SMAD7: variants seen among roughly 807,000 people sequenced by gnomAD.
SMAD7 encodes MAD (mothers against decapentaplegic, Drosophila) homolog 7.
In SMAD7, 8 loss-of-function variants were observed where a neutral mutation model predicts 38.7. That is an observed-to-expected ratio of 0.21 (90% CI 0.12 to 0.37). The LOEUF (loss-of-function observed/expected upper bound fraction) is 0.37, where lower values mean the gene tolerates loss of function less well. Ranked by LOEUF, SMAD7 falls within the 10% of genes least tolerant of loss-of-function variation. The pLI is 1.00. For synonymous variants in SMAD7, 327 were observed against 265.1 expected (o/e 1.23, Z -2.27); for missense variants, 477 against 577.9 (o/e 0.83, Z 1.79).
chr18:48,929,434 C>CT (rs2069965802), intron 3 of SMAD7, among the ~76,000 whole-genome samples: 1 of 152,104 alleles, frequency 6.6e-6, no homozygotes, highest in East Asian at 1.9e-4. Context: ...ACCTACCCAC[C>CT]TGCCACCCTG....
At chr18:48,936,938 G>A (rs953888228) in intron 3 of SMAD7, among the ~76,000 whole-genome samples, 27 of 151,998 alleles carry the variant, frequency 1.8e-4, no homozygotes, top group Admixed American at 5.9e-4. Flanking sequence ...CAAATTAGCC[G>A]GGCGTGGTGG....
intron 2 of SMAD7, among the ~76,000 whole-genome samples, chr18:48,947,469 G>A (rs545645613): frequency 6.6e-6 from 1 of 152,244 alleles, no homozygotes; most frequent in Non-Finnish European, 1.5e-5. Flanking sequence ...CAGAACCTTG[G>A]CAAAATAAAA....
chr18:48,921,343 A>G lies in SMAD7; in HGVS notation c.*29T>C, dbSNP rs752657520. 6.3e-7 allele frequency: 1 copy of G among 1,577,182 alleles called. No homozygotes were observed. The highest frequency in any genetic ancestry group is 8.7e-7 in the Non-Finnish European group (1 of 1,155,272). ...AAGTAGTTTGAAGTGTGGCCTGCTCAGCTCACGCTCTGTCCCCTCCGCACG... is the reference window on the plus strand; with the variant it reads ...AAGTAGTTTGAAGTGTGGCCTGCTCGGCTCACGCTCTGTCCCCTCCGCACG... On this transcript the variant is annotated 3_prime_UTR_variant, in exon 4 of 4. Coordinates refer to ENST00000262158, the MANE Select transcript of SMAD7 (RefSeq NM_005904.4). The surrounding 1 kb of genome is among the most constrained non-coding windows in gnomAD (Gnocchi z 6.4).
At chr18:48,938,812 G>A (rs1346966022) in intron 3 of SMAD7, among the ~76,000 whole-genome samples, 2 of 152,158 alleles carry the variant, frequency 1.3e-5, no homozygotes, top group Non-Finnish European at 2.9e-5. Flanking sequence ...ACGGAGCTGA[G>A]CCTAGAGGCT....
chr18:48,920,092 TAATA>T lies in SMAD7; in HGVS notation c.*1276_*1279del, dbSNP rs1487098733. 1 of 152,404 alleles carries T rather than the reference TAATA, an allele frequency of 6.6e-6. No homozygotes were observed. The highest frequency in any genetic ancestry group is 1.5e-5 in the Non-Finnish European group (1 of 67,996). The allele number at this position is 152,404 out of a possible 1,614,324, so 9.4% of individuals were successfully genotyped here. A position where few individuals can be genotyped will look rare whatever the true frequency, so the allele number is the denominator to read the frequency against. ...AAAACGTCTTTATATTTACAAGTAA[TAATA>T]TATTTATATATAACATAAAATACAT... On this transcript the variant is annotated 3_prime_UTR_variant, in exon 4 of 4. Coordinates refer to ENST00000262158, the MANE Select transcript of SMAD7 (RefSeq NM_005904.4).
intron 3 of SMAD7, among the ~76,000 whole-genome samples, chr18:48,936,365 C>T (rs2070066044): frequency 6.6e-6 from 1 of 152,186 alleles, no homozygotes; most frequent in Admixed American, 6.5e-5. Flanking sequence ...GTAAAATACA[C>T]ATAACTTAAA....
At chr18:48,939,073 C>A (rs1344181424) in intron 3 of SMAD7, among the ~76,000 whole-genome samples, 1 of 152,152 alleles carries the variant, frequency 6.6e-6, no homozygotes, top group South Asian at 2.1e-4. Context: ...TATCCCAGAG[C>A]CTGCCTGTGG....
chr18:48,920,460 AACAC>A lies in SMAD7; in HGVS notation c.*908_*911del, dbSNP rs2069842770. On this transcript the variant is annotated 3_prime_UTR_variant, in exon 4 of 4. Coordinates refer to ENST00000262158, the MANE Select transcript of SMAD7 (RefSeq NM_005904.4). ...GCTTGCTGGCCTAATAGCAGAGCTT[AACAC>A]ACAGGATGGGAGCAGGCAGTGCTGA... 6.6e-6 allele frequency: 1 copy of A among 152,386 alleles called. No homozygotes were observed. The highest frequency in any genetic ancestry group is 2.4e-5 in the African/African-American group (1 of 41,444). The allele number at this position is 152,386 out of a possible 1,614,324, so 9.4% of individuals were successfully genotyped here.
At chr18:48,942,655 A>C (rs756174882) in intron 2 of SMAD7, 100 bp from the exon 3 acceptor site, 2 of 1,595,268 alleles carry the variant, frequency 1.3e-6, no homozygotes, top group Non-Finnish European at 1.7e-6. Context: ...GACAAACCAC[A>C]CATTCCAAAA....
chr18:48,921,974 C>T lies in SMAD7; in HGVS notation c.743-64G>A. On this transcript the variant is annotated intron_variant, in intron 3 of 3. Coordinates refer to ENST00000262158, the MANE Select transcript of SMAD7 (RefSeq NM_005904.4). This position sits in a 1 kb window ranked among gnomAD's most constrained non-coding sequence, Gnocchi z 6.4. ...GCATTGGTGACTCCTAGAATGAAGA[C>T]ACCCGCCCCCCCACTGCACCCAGTC... 2.3e-6 allele frequency: 3 copies of T among 1,289,620 alleles called. No homozygotes were observed. The highest frequency in any genetic ancestry group is 4.5e-5 in the Admixed American group (2 of 44,456). 79.9% of individuals were successfully genotyped at this position (1,289,620 alleles called of 1,614,324 possible).
intron 3 of SMAD7, chr18:48,933,604 C>G (rs1281905789): frequency 6.6e-6 from 1 of 152,648 alleles, no homozygotes; most frequent in Non-Finnish European, 1.5e-5. Context: ...GAGAGGGGAG[C>G]ACACCTTCCA....
At chr18:48,941,568 C>T (rs1442785551) in intron 3 of SMAD7, among the ~76,000 whole-genome samples, 1 of 152,200 alleles carries the variant, frequency 6.6e-6, no homozygotes, top group Non-Finnish European at 1.5e-5. Context: ...CCACGTGATC[C>T]TACAGGCAAG....
chr18:48,924,747 C>T (rs770672472), intron 3 of SMAD7, among the ~76,000 whole-genome samples: 9 of 152,144 alleles, frequency 5.9e-5, no homozygotes, highest in Non-Finnish European at 1.3e-4. Flanking sequence ...TCTGTCCTCC[C>T]GTTAGGACAG....
chr18:48,946,662 C>T (rs1000147643), intron 2 of SMAD7, among the ~76,000 whole-genome samples: 2 of 152,168 alleles, frequency 1.3e-5, no homozygotes, highest in Non-Finnish European at 1.5e-5. Flanking sequence ...ACTTTTCTCC[C>T]CCTTGGAAAT....
At chr18:48,943,645 G>A (rs2070166344) in intron 2 of SMAD7, among the ~76,000 whole-genome samples, 1 of 152,160 alleles carries the variant, frequency 6.6e-6, no homozygotes, top group African/African-American at 2.4e-5. Flanking sequence ...AACACAACAG[G>A]TTGGATCGTG....
At chr18:48,927,848 G>A (rs889774188) in intron 3 of SMAD7, among the ~76,000 whole-genome samples, 3 of 152,198 alleles carry the variant, frequency 2.0e-5, no homozygotes, top group African/African-American at 7.2e-5. Context: ...AGTGGCTCAT[G>A]ACAACCCTCT....
At chr18:48,926,685 G>A (rs1036688771) in intron 3 of SMAD7, among the ~76,000 whole-genome samples, 1 of 152,346 alleles carries the variant, frequency 6.6e-6, no homozygotes, top group Non-Finnish European at 1.5e-5. Flanking sequence ...CAACCTGGGA[G>A]CGCAAACATC....
chr18:48,927,511 G>A (rs559522483), intron 3 of SMAD7, among the ~76,000 whole-genome samples: 26 of 152,194 alleles, frequency 1.7e-4, no homozygotes, highest in East Asian at 5.8e-4. Context: ...GAGGTGAGCC[G>A]ACCAGCTACA....
chr18:48,921,795 G>A lies in SMAD7; in HGVS notation c.858C>T (p.Ile286=), dbSNP rs774921034. Residue 286 remains isoleucine (I), a synonymous_variant, in exon 4 of 4, where the codon ATC becomes ATT. Transcript: ENST00000262158. This position sits in a 1 kb window ranked among gnomAD's most constrained non-coding sequence, Gnocchi z 6.4. ...LYCVQEPSLD[I]FYDLPQGNGF... ...CATTCCCCTGAGGTAGATCATAGAA[G>A]ATATCCAGAGAGGGCTCCTGGACAC... 6.2e-7 allele frequency: 1 copy of A among 1,614,140 alleles called. No individual in the cohort carries two copies. The highest frequency in any genetic ancestry group is 8.5e-7 in the Non-Finnish European group (1 of 1,180,008).
Sources: gnomAD v4.1 joint callset for allele counts (sites outside exome capture counted in the v4.1 genomes callset) on GRCh38, gnomAD v4.1.1 for gene constraint, Gnocchi (gnomAD v3.1) non-coding constraint, MANE v1.5 for transcripts, NCBI Gene and HGNC (gene_info 2026-07-23, HGNC 2026-07-21) for gene names.